Variants in PCDHGA2 observed in about 807,000 individuals in gnomAD.
PCDHGA2 encodes protocadherin gamma-A2.
PCDHGA2 carries 40 observed loss-of-function variants against 59.2 expected under a neutral mutation model. That is an observed-to-expected ratio of 0.68 (90% CI 0.52 to 0.88). The LOEUF is 0.88. Ranked by LOEUF, PCDHGA2 falls within the 40% of genes least tolerant of loss-of-function variation. The pLI is 0.00. For synonymous variants in PCDHGA2, 560 were observed against 526.0 expected (o/e 1.06, Z -0.89); for missense variants, 1,226 against 1,204.0 (o/e 1.02, Z -0.27).
At chr5:141,409,745 T>G (rs968473065) in intron 1 of PCDHGA2, 9 of 1,613,074 alleles carry the variant, frequency 5.6e-6, no homozygotes, top group Non-Finnish European at 7.6e-6. Flanking sequence ...CGGGGTGGTG[T>G]TCGCGCAGCG....
chr5:141,355,576 G>T (rs1347277711), intron 1 of PCDHGA2: 1 of 1,614,022 alleles, frequency 6.2e-7, no homozygotes, highest in Non-Finnish European at 8.5e-7. Context: ...AATAATCGAT[G>T]TTAATGATAA....
At chr5:141,413,222 G>T in intron 1 of PCDHGA2, 1 of 1,613,796 alleles carries the variant, frequency 6.2e-7, no homozygotes, top group Admixed American at 1.7e-5. Flanking sequence ...GATTGCAGCG[G>T]GCTGGTCCTG....
intron 1 of PCDHGA2, chr5:141,383,184 C>A: frequency 6.2e-7 from 1 of 1,614,082 alleles, no homozygotes; most frequent in East Asian, 2.2e-5. Context: ...GGGAAGAGAT[C>A]TGCGCTCAGA....
intron 1 of PCDHGA2, chr5:141,364,818 G>C (rs897458319): frequency 2.0e-5 from 33 of 1,613,896 alleles, no homozygotes; most frequent in Non-Finnish European, 2.5e-5. Context: ...GCGGATGTGG[G>C]TGTGAACTCT....
chr5:141,372,633 A>ACTT, intron 1 of PCDHGA2: 1 of 1,613,996 alleles, frequency 6.2e-7, no homozygotes, highest in Non-Finnish European at 8.5e-7. Context: ...CAGCGAAAGG[A>ACTT]CTTTGCCTTA....
At chr5:141,362,330 GCT>G in intron 1 of PCDHGA2, 2 of 1,614,068 alleles carry the variant, frequency 1.2e-6, no homozygotes, top group Non-Finnish European at 1.7e-6. Flanking sequence ...CCTGGTCTCA[GCT>G]CCAAGCCTGG....
At chr5:141,374,931 A>C in intron 1 of PCDHGA2, 1 of 1,614,022 alleles carries the variant, frequency 6.2e-7, no homozygotes, top group Non-Finnish European at 8.5e-7. Flanking sequence ...TCCTTTGTGA[A>C]GATTACAGAA....
At chr5:141,467,748 G>A (rs186276272) in intron 1 of PCDHGA2, among the ~76,000 whole-genome samples, 22 of 151,912 alleles carry the variant, frequency 1.4e-4, no homozygotes, top group South Asian at 2.1e-4. Context: ...TGCAACCTCC[G>A]CCTCACATGC....
intron 1 of PCDHGA2, chr5:141,346,102 C>T (rs1221355355): frequency 6.2e-7 from 1 of 1,613,834 alleles, no homozygotes; most frequent in Admixed American, 1.7e-5. Context: ...TCGGACCTCA[C>T]TCTGTACCTG....
At chr5:141,351,157 C>G (rs748506914) in intron 1 of PCDHGA2, 2 of 1,614,010 alleles carry the variant, frequency 1.2e-6, no homozygotes, top group South Asian at 1.1e-5. Flanking sequence ...ACATCACAAC[C>G]AATGGCACAT....
chr5:141,426,437 C>T (rs914971616), intron 1 of PCDHGA2: 6 of 300,546 alleles, frequency 2.0e-5, no homozygotes, highest in South Asian at 6.4e-5. Flanking sequence ...GGGAACCTTG[C>T]GGAGGACATG....
At chr5:141,375,110 A>C in intron 1 of PCDHGA2, 1 of 1,613,972 alleles carries the variant, frequency 6.2e-7, no homozygotes, top group Non-Finnish European at 8.5e-7. Flanking sequence ...TGTCAATGAT[A>C]ATGTACCAGA....
chr5:141,384,425 C>T lies in PCDHGA2; in HGVS notation c.2424+43030C>T. ...GTGTCCTCCTATGTCTCCATAAACT[C>T]TGACACTGGAGTCCTGTACGCGCTG... On this transcript the variant is annotated intron_variant, in intron 1 of 3. Coordinates refer to ENST00000394576, the MANE Select transcript of PCDHGA2 (RefSeq NM_018915.4). 1.9e-6 allele frequency: 3 copies of T among 1,613,982 alleles called. No individual in the cohort carries two copies. The South Asian group carries it at 3.3e-5, about 18-fold the overall frequency.
Position 141,418,471 on chromosome 5 carries a change from G to T in PCDHGA2, c.2425-76336G>T, listed in dbSNP as rs199547102. 57 of 1,614,002 alleles carry T rather than the reference G, an allele frequency of 3.5e-5. No homozygotes were observed. In the African/African-American group the frequency reaches 5.7e-4, roughly 16 times the overall value. ...TGCAGAAGACTCTGGACCGAGAAACGCAGAGCGCTCACCACTTGGTACTGA... is the reference window on the plus strand; with the variant it reads ...TGCAGAAGACTCTGGACCGAGAAACTCAGAGCGCTCACCACTTGGTACTGA... On this transcript the variant is annotated intron_variant, in intron 1 of 3. Coordinates refer to ENST00000394576, the MANE Select transcript of PCDHGA2 (RefSeq NM_018915.4).
chr5:141,472,337 C>T (rs1327386198), intron 1 of PCDHGA2, among the ~76,000 whole-genome samples: 1 of 151,764 alleles, frequency 6.6e-6, no homozygotes, highest in Non-Finnish European at 1.5e-5. Context: ...GTTGGGAGAT[C>T]GAGACCATCC....
chr5:141,410,785 G>T, intron 1 of PCDHGA2: 1 of 804,598 alleles, frequency 1.2e-6, no homozygotes, highest in Non-Finnish European at 1.8e-6. Context: ...TATGTATTTG[G>T]TTCATAAGTT....
chr5:141,373,110 T>C (rs878923875), intron 1 of PCDHGA2, among the ~76,000 whole-genome samples: 8 of 152,232 alleles, frequency 5.3e-5, no homozygotes, highest in African/African-American at 1.9e-4. Flanking sequence ...GACATATCTA[T>C]CCAGAATTAG....
intron 1 of PCDHGA2, among the ~76,000 whole-genome samples, chr5:141,381,686 AAAC>A (rs1269227136): frequency 2.6e-5 from 4 of 152,308 alleles, no homozygotes; most frequent in Non-Finnish European, 4.4e-5. Context: ...CAGCCAAGAC[AAAC>A]AACGATTTCT....
At chr5:141,421,564 G>T (rs2096583836) in intron 1 of PCDHGA2, 2 of 1,613,864 alleles carry the variant, frequency 1.2e-6, no homozygotes, top group Admixed American at 3.3e-5. Flanking sequence ...TCTCGTGGAA[G>T]ACACCTTGAA....
Sources: gnomAD v4.1 joint callset for allele counts (sites outside exome capture counted in the v4.1 genomes callset) on GRCh38, gnomAD v4.1.1 for gene constraint, MANE v1.5 for transcripts, NCBI Gene and HGNC (gene_info 2026-07-23, HGNC 2026-07-21) for gene names.